Variants in CEACAM5 observed in about 807,000 individuals in gnomAD.
The protein encoded by CEACAM5 is CEA cell adhesion molecule 5, also known as cell adhesion molecule CEACAM5.
A neutral mutation model predicts 63.0 loss-of-function variants in CEACAM5; 52 were observed. The ratio of observed to expected loss-of-function variants is 0.83; its 90% CI spans 0.66 to 1.04. The LOEUF (loss-of-function observed/expected upper bound fraction) is 1.04, where lower values mean the gene tolerates loss of function less well. CEACAM5 is among the 50% of genes least tolerant of loss of function. The pLI, the probability that CEACAM5 is intolerant of heterozygous loss-of-function variation, is 0.00. For missense variants in CEACAM5, 790 were observed against 864.8 expected (o/e 0.91, Z 1.08); for synonymous variants, 357 against 351.3 (o/e 1.02, Z -0.18).
chr19:41,710,628 A>G (rs1452692083), intron 2 of CEACAM5, among the ~76,000 whole-genome samples: 3 of 151,848 alleles, frequency 2.0e-5, no homozygotes, highest in African/African-American at 7.3e-5. Context: ...TTTACTTGAG[A>G]CTCAATGTGG....
At chr19:41,719,175 C>A (rs912723612) in intron 6 of CEACAM5, among the ~76,000 whole-genome samples, 4 of 152,202 alleles carry the variant, frequency 2.6e-5, no homozygotes, top group Admixed American at 6.5e-5. Flanking sequence ...GGGGACTCAA[C>A]ATGGCAGGGA....
chr19:41,730,126 A>G lies in CEACAM5; in HGVS notation c.*979A>G, dbSNP rs983594495. On this transcript the variant is annotated 3_prime_UTR_variant, in exon 10 of 10. Transcript: ENST00000221992. ...AAAACTTCCAGCAAAGCAACTTTAA[A>G]AAAGTCTGTGTGGGCCGGGCGCGGT... Among the ~76,000 whole-genome samples, 1 of 152,214 alleles carries G rather than the reference A, an allele frequency of 6.6e-6. No individual in the cohort carries two copies. The highest frequency in any genetic ancestry group is 6.5e-5 in the Admixed American group (1 of 15,274).
chr19:41,715,309 C>T, intron 3 of CEACAM5, 60 bp downstream of exon 3: 1 of 1,600,256 alleles, frequency 6.2e-7, no homozygotes. Context: ...GGGCCAGAGG[C>T]AGGATTTCTC....
intron 2 of CEACAM5, among the ~76,000 whole-genome samples, chr19:41,713,484 A>G (rs544162977): frequency 6.6e-6 from 1 of 152,270 alleles, no homozygotes; most frequent in Non-Finnish European, 1.5e-5. Flanking sequence ...GACATACTCA[A>G]TCTGTATGAA....
At chr19:41,720,632 G>T (rs906692332) in intron 7 of CEACAM5, among the ~76,000 whole-genome samples, 1 of 148,742 alleles carries the variant, frequency 6.7e-6, no homozygotes, top group Non-Finnish European at 1.5e-5. Context: ...TCAGCCTCCC[G>T]AGTAACTGGG....
Position 41,730,277 on chromosome 19 carries a change from C to T in CEACAM5, c.*1130C>T, listed in dbSNP as rs10414563. Among the ~76,000 whole-genome samples, 5,518 of 152,104 alleles carry T rather than the reference C, an allele frequency of 0.036. 330 individuals carry two copies. Among genetic ancestry groups the T allele is most frequent in the African/African-American group, 0.13 (5,298 of 41,478 alleles). On this transcript the variant is annotated 3_prime_UTR_variant, in exon 10 of 10. Coordinates refer to ENST00000221992, the MANE Select transcript of CEACAM5 (RefSeq NM_004363.6). ...CTACTAAAAATACAAAAAAAGTTAG[C>T]CGGGCGTGGTGGTGGGGGCCTGTAG...
intron 5 of CEACAM5, 56 bp from the exon 6 acceptor site, chr19:41,718,072 G>A (rs1220249504): frequency 2.1e-5 from 34 of 1,596,090 alleles, no homozygotes; most frequent in Non-Finnish European, 2.7e-5. Context: ...CACAGACCAG[G>A]AGCTTCCCCT....
intron 8 of CEACAM5, among the ~76,000 whole-genome samples, chr19:41,726,775 A>G (rs2072706681): frequency 6.6e-6 from 1 of 152,186 alleles, no homozygotes; most frequent in South Asian, 2.1e-4. Context: ...TGGGCTTTTC[A>G]TTCCCCTGGT....
At chr19:41,725,089 C>CTTT (rs36106933) in intron 8 of CEACAM5, among the ~76,000 whole-genome samples, 1 of 152,156 alleles carries the variant, frequency 6.6e-6, no homozygotes, top group Non-Finnish European at 1.5e-5. Context: ...TAGCATTGGG[C>CTTT]TTTTCACACA....
intron 7 of CEACAM5, 150 bp downstream of exon 7, chr19:41,720,358 T>C (rs906570077): frequency 2.8e-5 from 29 of 1,036,502 alleles, no homozygotes; most frequent in Admixed American, 7.1e-5. Flanking sequence ...CCAGGAAAAT[T>C]TGGGCAACCT....
chr19:41,717,536 C>G lies in CEACAM5; in HGVS notation c.1040C>G (p.Pro347Arg). Residue 347 changes from proline to arginine, a missense_variant, in exon 5 of 10, where the codon CCT (proline) becomes CGT (arginine). Transcript: ENST00000221992. ...GATGCTGTAGCCTTAACCTGTGAACCTGAGATTCAGAACACAACCTACCTG... is the reference window on the plus strand; with the variant it reads ...GATGCTGTAGCCTTAACCTGTGAACGTGAGATTCAGAACACAACCTACCTG... Reference protein sequence around the residue: ...DEDAVALTCEPEIQNTTYLWW... With the variant: ...DEDAVALTCEREIQNTTYLWW... 6.2e-7 allele frequency: 1 copy of G among 1,614,238 alleles called. No homozygotes were observed. The highest frequency in any genetic ancestry group is 1.3e-5 in the African/African-American group (1 of 75,058).
Position 41,709,914 on chromosome 19 carries a change from T to C in CEACAM5, c.299T>C (p.Ile100Thr), listed in dbSNP as rs112905632. 5.2e-3 allele frequency: 8,399 copies of C among 1,613,998 alleles called. 392 individuals are homozygous for C. The African/African-American group carries it at 0.097, about 19-fold the overall frequency. Residue 100 changes from isoleucine to threonine, a missense_variant, in exon 2 of 10, where the codon ATA (isoleucine) becomes ACA (threonine). Coordinates refer to ENST00000221992, the MANE Select transcript of CEACAM5 (RefSeq NM_004363.6). Reference sequence around the variant, plus strand: ...GGGCCCGCATACAGTGGTCGAGAGATAATATACCCCAATGCATCCCTGCTG... The same window carrying C: ...GGGCCCGCATACAGTGGTCGAGAGACAATATACCCCAATGCATCCCTGCTG... ...TPGPAYSGRE[I>T]IYPNASLLIQ...
At chr19:41,715,530 G>T in intron 3 of CEACAM5, 120 bp from the exon 4 acceptor site, 4 of 1,359,900 alleles carry the variant, frequency 2.9e-6, no homozygotes, top group Admixed American at 1.7e-5. Context: ...TACAAGAGGG[G>T]TTTGGCTGAG....
In CEACAM5 at chr19:41,727,282, T is replaced by C; in HGVS notation, c.2075T>C (p.Met692Thr). The part of the protein sequence containing the change: ...GLSAGATVGI[M>T]IGVLVGVALI ...TCAGCTGGGGCCACTGTCGGCATCATGATTGGAGTGCTGGTTGGGGTTGCT... is the reference window on the plus strand; with the variant it reads ...TCAGCTGGGGCCACTGTCGGCATCACGATTGGAGTGCTGGTTGGGGTTGCT... Residue 692 changes from methionine (M) to threonine (T), a missense_variant, in exon 9 of 10, where the codon ATG becomes ACG. By Grantham distance (81) the Met-to-Thr change is moderately conservative. Coordinates refer to ENST00000221992, the MANE Select transcript of CEACAM5 (RefSeq NM_004363.6). 1 of 1,614,076 alleles carries C rather than the reference T, an allele frequency of 6.2e-7. No homozygotes were observed. The highest frequency in any genetic ancestry group is 8.5e-7 in the Non-Finnish European group (1 of 1,179,938).
intron 6 of CEACAM5, among the ~76,000 whole-genome samples, chr19:41,718,730 G>T (rs782222589): frequency 2.4e-4 from 37 of 152,214 alleles, no homozygotes; most frequent in Middle Eastern, 3.2e-3. Flanking sequence ...ACACCACTTT[G>T]TGTTCTTTTA....
Position 41,720,213 on chromosome 19 carries a change from G to A in CEACAM5, c.1771+5G>A. On this transcript the variant is annotated splice_donor_5th_base_variant and intron_variant, in intron 7 of 9. Coordinates refer to ENST00000221992, the MANE Select transcript of CEACAM5 (RefSeq NM_004363.6). Reference sequence around the variant, plus strand: ...CAGTCACCCTGGATGTCCTCTGTGAGTATCTTCTGTTCCTCTGTGGCCCTG... The same window carrying A: ...CAGTCACCCTGGATGTCCTCTGTGAATATCTTCTGTTCCTCTGTGGCCCTG... The A allele has an allele frequency of 6.2e-7, 1 of 1,612,436 alleles. No individual in the cohort carries two copies. The highest frequency in any genetic ancestry group is 8.5e-7 in the Non-Finnish European group (1 of 1,178,676).
At position 41,720,122 on chromosome 19, in the gene CEACAM5, C is replaced by G. The variant is rs2072595791; in HGVS notation, c.1685C>G (p.Thr562Arg). Residue 562 changes from threonine (T) to arginine (R), a missense_variant, in exon 7 of 10, where the codon ACA (threonine) becomes AGA (arginine). Physicochemically the swap from Thr to Arg is moderately conservative, Grantham distance 71. Coordinates refer to ENST00000221992, the MANE Select transcript of CEACAM5 (RefSeq NM_004363.6). Reference protein sequence around the residue: ...GNRTLTLFNVTRNDARAYVCG... With the variant: ...GNRTLTLFNVRRNDARAYVCG... ...AGGACCCTCACTCTATTCAATGTCA[C>G]AAGAAATGACGCAAGAGCCTATGTA... The G allele has an allele frequency of 6.2e-7, 1 of 1,614,128 alleles. No homozygotes were observed. The highest frequency in any genetic ancestry group is 1.7e-5 in the Admixed American group (1 of 60,006).
intron 8 of CEACAM5, among the ~76,000 whole-genome samples, chr19:41,725,001 G>A (rs1161058264): frequency 2.0e-5 from 3 of 152,110 alleles, no homozygotes; most frequent in Non-Finnish European, 2.9e-5. Flanking sequence ...TCGAATAGAC[G>A]TGGCAAAAGC....
At chr19:41,726,881 G>A (rs1555817163) in intron 8 of CEACAM5, among the ~76,000 whole-genome samples, 1 of 152,210 alleles carries the variant, frequency 6.6e-6, no homozygotes, top group African/African-American at 2.4e-5. Flanking sequence ...CTGCCACAGA[G>A]ACCCAACAGA....
Sources: gnomAD v4.1 joint callset for allele counts (sites outside exome capture counted in the v4.1 genomes callset) on GRCh38, gnomAD v4.1.1 for gene constraint, MANE v1.5 for transcripts, NCBI Gene and HGNC (gene_info 2026-07-23, HGNC 2026-07-21) for gene names.